The following SNX27 variants were observed in gnomAD, a reference collection of about 807,000 sequenced individuals.
The protein encoded by SNX27 is sorting nexin-27.
A neutral mutation model predicts 71.6 loss-of-function variants in SNX27; 22 were observed. That is an observed-to-expected ratio of 0.31 (90% confidence interval 0.22 to 0.44). The LOEUF (loss-of-function observed/expected upper bound fraction) is 0.44, where lower values mean the gene tolerates loss of function less well. SNX27 is among the 20% of genes least tolerant of loss of function. SNX27 has a pLI of 1.00. For missense variants in SNX27, 531 were observed against 698.6 expected, an observed-to-expected ratio of 0.76 and a Z score of 2.70; for synonymous variants, 269 against 277.2, an observed-to-expected ratio of 0.97 and a Z score of 0.29.
chr1:151,647,132 C>CTTTTTTTTTTTTTTTTTTTATT (rs56999871), intron 2 of SNX27, among the ~76,000 whole-genome samples: 1 of 130,318 alleles, frequency 7.7e-6, no homozygotes, highest in African/African-American at 2.9e-5. Flanking sequence ...ATCTCTATTA[C>CTTTTTTTTTTTTTTTTTTTATT]TTTTTTTTTT....
Position 151,632,306 on chromosome 1 carries a change from C to G in SNX27, c.312-6582C>G, listed in dbSNP as rs887546859. On this transcript the variant is annotated intron_variant, in intron 1 of 11. Coordinates refer to ENST00000458013, the MANE Select transcript of SNX27 (RefSeq NM_001330723.2). ...CCAAGTAGCTGGGATTACAGGCATG[C>G]GCCACCACGCCCGGCTAATTTTTGT... is the stretch of plus-strand genomic sequence containing the variant. 2.0e-5 allele frequency among the ~76,000 whole-genome samples: 3 copies of G among 151,744 alleles called. No homozygotes were observed. The East Asian group carries it at 5.8e-4, about 30-fold the overall frequency.
chr1:151,688,354 C>G (rs1256723513), intron 8 of SNX27, among the ~76,000 whole-genome samples: 1 of 152,174 alleles, frequency 6.6e-6, no homozygotes, highest in East Asian at 1.9e-4. Flanking sequence ...AAAAATTCAG[C>G]GAGGCGCGGT....
chr1:151,619,527 C>CT (rs965996742), intron 1 of SNX27, among the ~76,000 whole-genome samples: 1 of 152,062 alleles, frequency 6.6e-6, no homozygotes, highest in African/African-American at 2.4e-5. Context: ...TCTGAGATTC[C>CT]TGGGCTGAAG....
In SNX27 at chr1:151,668,513, A is replaced by G; in HGVS notation, c.1027A>G (p.Ile343Val). The G allele has an allele frequency of 1.2e-6, 2 of 1,613,826 alleles. No individual in the cohort carries two copies. Among genetic ancestry groups the G allele is most frequent in the East Asian group, 2.2e-5 (1 of 44,860 alleles). Residue 343 changes from isoleucine to valine, a missense_variant, in exon 7 of 12, where the codon ATT (isoleucine) becomes GTT (valine). By Grantham distance (29) the Ile-to-Val change is conservative (BLOSUM62 3). This residue lies in a region of SNX27 where 184 missense variants were observed against 289.6 expected (regional missense o/e 0.64). Coordinates refer to ENST00000458013, the MANE Select transcript of SNX27 (RefSeq NM_001330723.2). Reference protein sequence around the residue: ...APNEFPHKLYIQNYTSAVPGT... With the variant: ...APNEFPHKLYVQNYTSAVPGT... Reference sequence around the variant, plus strand: ...TAATGAGTTTCCTCACAAACTCTACATTCAGAATTATACATCAGCTGTGCC... The same window carrying G: ...TAATGAGTTTCCTCACAAACTCTACGTTCAGAATTATACATCAGCTGTGCC...
At chr1:151,654,364 C>T (rs1336391998) in intron 2 of SNX27, among the ~76,000 whole-genome samples, 2 of 152,128 alleles carry the variant, frequency 1.3e-5, no homozygotes, top group African/African-American at 2.4e-5. Flanking sequence ...CTTCTTATTG[C>T]AGCCAAACTC....
chr1:151,628,237 C>T (rs982631271), intron 1 of SNX27, among the ~76,000 whole-genome samples: 2 of 152,014 alleles, frequency 1.3e-5, no homozygotes, highest in Non-Finnish European at 2.9e-5. Flanking sequence ...AAACTCCTGA[C>T]CTCAGGTGAA....
intron 7 of SNX27, chr1:151,679,330 A>G (rs1670838785): frequency 6.6e-6 from 1 of 152,246 alleles, no homozygotes; most frequent in Non-Finnish European, 1.5e-5. Flanking sequence ...GAGATATTAT[A>G]TGTTAGTTGC....
intron 8 of SNX27, among the ~76,000 whole-genome samples, chr1:151,686,365 C>G (rs186343946): frequency 6.6e-6 from 1 of 152,302 alleles, no homozygotes; most frequent in East Asian, 1.9e-4. Context: ...TTAATAAACA[C>G]AGTAATCTAT....
chr1:151,694,387 G>A lies in SNX27; in HGVS notation c.1596G>A (p.Ala532=), dbSNP rs765970268. ...CCTTTCAGAACATTTTCCAGATGGC[G>A]AGGTCACAGCAGAGAGATGTGGCCA... ...KWRKENIFQM[A]RSQQRDVAT The change falls in exon 12 of 12, where the codon GCG becomes GCA. Residue 532 remains alanine (A), a synonymous_variant. Transcript: ENST00000458013. 142 of 1,549,530 alleles carry A rather than the reference G, an allele frequency of 9.2e-5. 1 individual carries two copies. Among genetic ancestry groups the A allele is most frequent in the Non-Finnish European group, 1.1e-4 (130 of 1,146,744 alleles).
chr1:151,692,648 T>C, intron 9 of SNX27, 64 bp downstream of exon 9: 1 of 1,572,494 alleles, frequency 6.4e-7, no homozygotes, highest in Non-Finnish European at 8.6e-7. Context: ...CACTTGCTTG[T>C]GACGTTTTAA....
At chr1:151,682,899 A>T (rs749563600) in intron 7 of SNX27, among the ~76,000 whole-genome samples, 2 of 152,076 alleles carry the variant, frequency 1.3e-5, no homozygotes, top group Non-Finnish European at 2.9e-5. Context: ...GCTGGGCGTG[A>T]TGGCTCATGC....
At chr1:151,613,190 C>T (rs1265694500) in intron 1 of SNX27, 1 of 152,128 alleles carries the variant, frequency 6.6e-6, no homozygotes, top group Non-Finnish European at 1.5e-5. Flanking sequence ...CAAGAGTTTA[C>T]CTTGCTTTCT....
chr1:151,692,274 T>C (rs911685280), intron 8 of SNX27, among the ~76,000 whole-genome samples, 161 bp from the exon 9 acceptor site: 6 of 152,108 alleles, frequency 3.9e-5, no homozygotes, highest in Admixed American at 2.0e-4. Flanking sequence ...AACTTAGAGA[T>C]GGGTGTGAGA....
chr1:151,612,123 C>G lies in SNX27; in HGVS notation c.-79C>G, dbSNP rs936397577. On this transcript the variant is annotated 5_prime_UTR_variant, in exon 1 of 12. Transcript: ENST00000458013. The surrounding 1 kb of genome is among the most constrained non-coding windows in gnomAD (Gnocchi z 5.2). ...TCGGGCGCGCGCGTCGGGGGTCGTC[C>G]GGCTGCCAGGCAGGGCGAGCACGCG... The G allele has an allele frequency of 9.5e-6, 12 of 1,266,262 alleles. No individual in the cohort carries two copies. The Admixed American group carries it at 1.3e-4, about 13-fold the overall frequency. 78.4% of individuals were successfully genotyped at this position (1,266,262 alleles called of 1,614,324 possible). A position where few individuals can be genotyped will look rare whatever the true frequency, so the allele number is the denominator to read the frequency against.
intron 6 of SNX27, among the ~76,000 whole-genome samples, chr1:151,667,397 G>A (rs1670240355): frequency 6.6e-6 from 1 of 152,114 alleles, no homozygotes; most frequent in African/African-American, 2.4e-5. Context: ...TTTTCAGTTT[G>A]AGGAATGCTG....
intron 1 of SNX27, among the ~76,000 whole-genome samples, chr1:151,628,072 T>C (rs1304521234): frequency 2.7e-5 from 4 of 149,818 alleles, no homozygotes; most frequent in Non-Finnish European, 5.9e-5. Context: ...AGTGGTGCAA[T>C]CTTGGCTCAC....
intron 2 of SNX27, among the ~76,000 whole-genome samples, chr1:151,655,145 A>G (rs1288408143): frequency 6.6e-6 from 1 of 152,026 alleles, no homozygotes; most frequent in Non-Finnish European, 1.5e-5. Context: ...TAAGCTACTT[A>G]AAGATTACTT....
At chr1:151,635,025 C>A (rs1006503040) in intron 1 of SNX27, among the ~76,000 whole-genome samples, 13 of 152,150 alleles carry the variant, frequency 8.5e-5, no homozygotes, top group Non-Finnish European at 1.8e-4. Flanking sequence ...TATCTGTGAA[C>A]CCCATTGTCA....
At position 151,692,975 on chromosome 1, in the gene SNX27, C is replaced by T; in HGVS notation, c.1454C>T (p.Ala485Val). ...TGGGACACAGATGAAGAAGGGATGG[C>T]CTTCTGTTTCGAATATGCACGAGGA... The part of the protein sequence containing the change: ...QRWDTDEEGM[A>V]FCFEYARGEK... The change falls in exon 10 of 12, where the codon GCC (alanine) becomes GTC (valine). Residue 485 changes from alanine (A) to valine (V), a missense_variant. By Grantham distance (64) the Ala-to-Val change is moderately conservative (BLOSUM62 0). Around this residue, in one of 5 missense-constraint regions of SNX27, gnomAD observed 157 missense variants for 178.4 expected, o/e 0.88. Transcript: ENST00000458013. 1.2e-6 allele frequency: 2 copies of T among 1,614,134 alleles called. No homozygotes were observed. Among genetic ancestry groups the T allele is most frequent in the Non-Finnish European group, 8.5e-7 (1 of 1,180,026 alleles).
Sources: gnomAD v4.1 joint callset for allele counts (sites outside exome capture counted in the v4.1 genomes callset) on GRCh38, gnomAD v4.1.1 for gene constraint, gnomAD v4.1.1 regional missense constraint, Gnocchi (gnomAD v3.1) non-coding constraint, MANE v1.5 for transcripts, NCBI Gene and HGNC (gene_info 2026-07-23, HGNC 2026-07-21) for gene names.